The following ARHGEF4 variants were observed in gnomAD, a reference collection of about 807,000 sequenced individuals.
ARHGEF4 encodes Rho guanine nucleotide exchange factor 4, also known as APC-stimulated guanine nucleotide exchange factor 1.
In ARHGEF4, 119 loss-of-function variants were observed where a neutral mutation model predicts 162.0. That is an observed-to-expected ratio of 0.73 (90% CI 0.63 to 0.86). ARHGEF4 has a LOEUF of 0.86. Ranked by LOEUF, ARHGEF4 falls within the 40% of genes least tolerant of loss-of-function variation. The probability of loss-of-function intolerance (pLI) is 0.00; values close to 1 mark genes in which losing one functional copy is unlikely to be tolerated. For synonymous variants in ARHGEF4, 1,014 were observed against 979.9 expected, an observed-to-expected ratio of 1.03 and a Z score of -0.65; for missense variants, 2,488 against 2,456.0, an observed-to-expected ratio of 1.01 and a Z score of -0.28.
chr2:130,945,106 C>G (rs1574276440), intron 3 of ARHGEF4, among the ~76,000 whole-genome samples: 1 of 152,072 alleles, frequency 6.6e-6, no homozygotes, highest in East Asian at 1.9e-4. Context: ...ATATGCTGTT[C>G]AGGGTCAGAT....
intron 4 of ARHGEF4, among the ~76,000 whole-genome samples, chr2:131,017,901 A>G (rs1368339486): frequency 6.6e-6 from 1 of 152,214 alleles, no homozygotes; most frequent in Non-Finnish European, 1.5e-5. Flanking sequence ...ATTCCTATCA[A>G]AATCTCAGCA....
At chr2:130,903,749 G>C (rs1042565769) in intron 1 of ARHGEF4, among the ~76,000 whole-genome samples, 5 of 152,136 alleles carry the variant, frequency 3.3e-5, no homozygotes, top group Non-Finnish European at 5.9e-5. Context: ...CTAGTGTTTA[G>C]CTCCCACTTA....
intron 3 of ARHGEF4, among the ~76,000 whole-genome samples, chr2:130,934,074 G>A (rs190696795): frequency 2.0e-5 from 3 of 152,258 alleles, no homozygotes; most frequent in Admixed American, 6.5e-5. Context: ...CACAAATGCC[G>A]TTTTATCATG....
intron 10 of ARHGEF4, among the ~76,000 whole-genome samples, chr2:131,042,952 TA>T (rs1690930535): frequency 6.6e-6 from 1 of 152,194 alleles, no homozygotes; most frequent in Admixed American, 6.5e-5. Context: ...CAGACAGGCC[TA>T]ATTCTTCTCT....
intron 4 of ARHGEF4, among the ~76,000 whole-genome samples, chr2:130,982,755 T>TC (rs1399297696): frequency 2.6e-5 from 4 of 152,180 alleles, no homozygotes; most frequent in Admixed American, 2.6e-4. Context: ...TTCACATCTC[T>TC]CTCCCTTACT....
chr2:130,911,161 C>T (rs890681223), intron 1 of ARHGEF4, among the ~76,000 whole-genome samples: 2 of 152,120 alleles, frequency 1.3e-5, no homozygotes. Flanking sequence ...TGGGGCCTGC[C>T]GGTCAACACC....
At chr2:131,016,961 G>A (rs999557468) in intron 4 of ARHGEF4, among the ~76,000 whole-genome samples, 2 of 152,222 alleles carry the variant, frequency 1.3e-5, no homozygotes, top group Admixed American at 6.5e-5. Context: ...CAGAGGCAAA[G>A]GCACCCTCAC....
At chr2:130,952,750 G>A (rs1344494256) in intron 4 of ARHGEF4, among the ~76,000 whole-genome samples, 3 of 152,108 alleles carry the variant, frequency 2.0e-5, no homozygotes, top group African/African-American at 7.2e-5. Flanking sequence ...AAAATCACAA[G>A]CATTCCTATA....
intron 2 of ARHGEF4, among the ~76,000 whole-genome samples, chr2:130,926,644 G>A (rs1682305486): frequency 6.6e-6 from 1 of 151,996 alleles, no homozygotes; most frequent in South Asian, 2.1e-4. Flanking sequence ...GCAAGGATGG[G>A]TGTTTCATTT....
At chr2:130,993,159 A>G (rs1036885214) in intron 4 of ARHGEF4, among the ~76,000 whole-genome samples, 29 of 152,196 alleles carry the variant, frequency 1.9e-4, no homozygotes, top group African/African-American at 7.0e-4. Context: ...ATTTTCCTCC[A>G]AGCAGTTCAA....
In ARHGEF4 at chr2:130,936,957, G is replaced by A. The variant is rs192702081; in HGVS notation, c.3858+5700G>A. ...AGTTTCACTCTTGTTGCCCAGGCTG[G>A]AGCACGATGGTGCAATCTTGGCTCA... On this transcript the variant is annotated intron_variant, in intron 3 of 13. Transcript: ENST00000409359. Among the ~76,000 whole-genome samples the A allele has an allele frequency of 2.6e-3, 370 of 140,216 alleles. 1 individual carries two copies. The highest frequency in any genetic ancestry group is 8.0e-3 in the Admixed American group (106 of 13,256). 92.0% of individuals were successfully genotyped at this position (140,216 alleles called of 152,430 possible).
Position 130,969,425 on chromosome 2 carries a change from G to A in ARHGEF4, c.3985+22790G>A, listed in dbSNP as rs566696689. On this transcript the variant is annotated intron_variant, in intron 4 of 13. Transcript: ENST00000409359. Reference sequence around the variant, plus strand: ...ATCCTGGCTAACATGGTGAAACCCCGTCTCTACTAAAAATACAAAAAAAAT... The same window carrying A: ...ATCCTGGCTAACATGGTGAAACCCCATCTCTACTAAAAATACAAAAAAAAT... Among the ~76,000 whole-genome samples the A allele has an allele frequency of 1.3e-4, 19 of 151,972 alleles. No homozygotes were observed. In the Middle Eastern group the frequency reaches 0.014, roughly 109 times the overall value.
In ARHGEF4 at chr2:131,040,031, G is replaced by T. The variant is rs959660170; in HGVS notation, c.4321G>T (p.Asp1441Tyr). The T allele has an allele frequency of 6.4e-7, 1 of 1,563,918 alleles. No individual in the cohort carries two copies. Among genetic ancestry groups the T allele is most frequent in the Non-Finnish European group, 8.7e-7 (1 of 1,155,624 alleles). The part of the protein sequence containing the change: ...ASFVRLRVNQ[D>Y]EPADDDAPLA... ...TGGCCTGCAGCTGAGGGTGAATCAG[G>T]ACGAGCCCGCGGATGACGACGCCCC... The change falls in exon 7 of 14, where the codon GAC becomes TAC. Residue 1441 changes from aspartate (D) to tyrosine (Y), a missense_variant. Coordinates refer to ENST00000409359, the MANE Select transcript of ARHGEF4 (RefSeq NM_001367493.1).
intron 1 of ARHGEF4, among the ~76,000 whole-genome samples, chr2:130,848,925 C>T (rs575662582): frequency 3.3e-5 from 5 of 152,106 alleles, no homozygotes; most frequent in Non-Finnish European, 5.9e-5. Context: ...ATGGGAGCTG[C>T]GCCTTGGAGA....
intron 1 of ARHGEF4, among the ~76,000 whole-genome samples, chr2:130,864,054 C>T (rs1357936105): frequency 3.3e-5 from 5 of 150,994 alleles, no homozygotes; most frequent in Admixed American, 1.3e-4. Context: ...GGCATGGTGG[C>T]GGGCGCCTGT....
intron 4 of ARHGEF4, among the ~76,000 whole-genome samples, chr2:130,973,510 A>T (rs1245488004): frequency 1.3e-5 from 2 of 152,154 alleles, no homozygotes; most frequent in African/African-American, 2.4e-5. Context: ...TAAATAAATA[A>T]AATAAATGAA....
rs1459943426 is a variant in ARHGEF4, at chr2:130,917,455, G to C, written c.3509G>C (p.Gly1170Ala). The change falls in exon 2 of 14, where the codon GGC (glycine) becomes GCC (alanine). Residue 1170 changes from glycine (G) to alanine (A), a missense_variant. Transcript: ENST00000409359. ...AGGGAAGGAGGCCAGGGTCCGCGCGGCTTGGGCACAGTGCCCTGGCTCAGG... is the reference window on the plus strand; with the variant it reads ...AGGGAAGGAGGCCAGGGTCCGCGCGCCTTGGGCACAGTGCCCTGGCTCAGG... The part of the protein sequence containing the change: ...ESREGGQGPR[G>A]LGTVPWLRDL... 1.9e-6 allele frequency: 3 copies of C among 1,550,432 alleles called. No homozygotes were observed. The highest frequency in any genetic ancestry group is 2.4e-5 in the South Asian group (2 of 84,056).
At chr2:130,851,683 C>T (rs11885506) in intron 1 of ARHGEF4, among the ~76,000 whole-genome samples, 29,888 of 152,122 alleles carry the variant, frequency 0.2, 3,424 homozygotes, top group African/African-American at 0.29. Flanking sequence ...TGGCTCTTGG[C>T]CACTGTGATC....
intron 4 of ARHGEF4, among the ~76,000 whole-genome samples, chr2:130,963,242 C>G (rs1293157920): frequency 1.3e-5 from 2 of 152,172 alleles, no homozygotes; most frequent in Non-Finnish European, 2.9e-5. Flanking sequence ...AGGGTGTGTC[C>G]TGCCCGGGCT....
Sources: gnomAD v4.1 joint callset for allele counts (sites outside exome capture counted in the v4.1 genomes callset) on GRCh38, gnomAD v4.1.1 for gene constraint, MANE v1.5 for transcripts, NCBI Gene and HGNC (gene_info 2026-07-23, HGNC 2026-07-21) for gene names.